The following NRG1 variants were observed in gnomAD, a reference collection of about 807,000 sequenced individuals.
The protein encoded by NRG1 is pro-neuregulin-1, membrane-bound isoform.
A neutral mutation model predicts 63.8 loss-of-function variants in NRG1; 18 were observed. That is an observed-to-expected ratio of 0.28 (90% CI 0.19 to 0.42). The LOEUF (loss-of-function observed/expected upper bound fraction) is 0.42. Among genes scored for constraint, NRG1 ranks in the 10% least tolerant of loss-of-function variants. The pLI is 1.00. For synonymous variants in NRG1, 302 were observed against 301.3 expected (o/e 1.00, Z -0.02); for missense variants, 762 against 814.7 (o/e 0.94, Z 0.79).
At chr8:32,300,713 C>T (rs777880637) in intron 1 of NRG1, among the ~76,000 whole-genome samples, 3 of 152,158 alleles carry the variant, frequency 2.0e-5, no homozygotes, top group South Asian at 2.1e-4. Context: ...GCTATACACA[C>T]GAGAGATGCA....
chr8:31,746,444 A>G (rs1042349673), intron 1 of NRG1, among the ~76,000 whole-genome samples: 6 of 152,008 alleles, frequency 3.9e-5, no homozygotes, highest in Non-Finnish European at 5.9e-5. Flanking sequence ...TGCTACAATC[A>G]AGACACTGTG....
At chr8:31,688,796 A>G (rs1323921841) in intron 1 of NRG1, among the ~76,000 whole-genome samples, 1 of 152,116 alleles carries the variant, frequency 6.6e-6, no homozygotes, top group Non-Finnish European at 1.5e-5. Flanking sequence ...TTATATGTTC[A>G]TTTTTCTGTT....
At chr8:32,609,852 T>G (rs2129540672) in intron 3 of NRG1, among the ~76,000 whole-genome samples, 1 of 151,682 alleles carries the variant, frequency 6.6e-6, no homozygotes, top group South Asian at 2.1e-4. Flanking sequence ...TTTGTATTTC[T>G]TGTAGACAAG....
chr8:32,416,076 G>A (rs1178940211), intron 1 of NRG1, among the ~76,000 whole-genome samples: 1 of 152,106 alleles, frequency 6.6e-6, no homozygotes, highest in Non-Finnish European at 1.5e-5. Context: ...AGCCTGCTTA[G>A]ATTTAAATGA....
chr8:32,026,318 C>T (rs1198043639), intron 1 of NRG1: 1 of 152,094 alleles, frequency 6.6e-6, no homozygotes, highest in Admixed American at 6.5e-5. Flanking sequence ...GGCTACTTTC[C>T]ATTCTTGAAT....
intron 1 of NRG1, among the ~76,000 whole-genome samples, chr8:31,821,729 C>T (rs971239011): frequency 6.6e-6 from 1 of 151,244 alleles, no homozygotes; most frequent in Non-Finnish European, 1.5e-5. Context: ...TTGAAAAAAA[C>T]ACAGCGGGAA....
chr8:32,127,798 C>T (rs1211497548), intron 1 of NRG1, among the ~76,000 whole-genome samples: 1 of 151,648 alleles, frequency 6.6e-6, no homozygotes, highest in Non-Finnish European at 1.5e-5. Flanking sequence ...TAAGAACATA[C>T]CCTCGCCATT....
chr8:31,788,237 G>A (rs879426168), intron 1 of NRG1, among the ~76,000 whole-genome samples: 1 of 152,060 alleles, frequency 6.6e-6, no homozygotes, highest in Non-Finnish European at 1.5e-5. Context: ...TGAGAGCTCT[G>A]TTAACATTTT....
At chr8:32,030,752 C>A (rs535978772) in intron 1 of NRG1, among the ~76,000 whole-genome samples, 1 of 152,140 alleles carries the variant, frequency 6.6e-6, no homozygotes, top group Non-Finnish European at 1.5e-5. Flanking sequence ...TCCCAGCATA[C>A]GTCTGCCATG....
intron 1 of NRG1, among the ~76,000 whole-genome samples, chr8:31,999,156 C>T (rs1047594272): frequency 8.6e-5 from 13 of 151,466 alleles, no homozygotes; most frequent in African/African-American, 3.2e-4. Context: ...TGGAAATTGA[C>T]TAATAAAGAA....
intron 1 of NRG1, among the ~76,000 whole-genome samples, chr8:32,565,078 A>G (rs1166204821): frequency 2.6e-5 from 4 of 151,944 alleles, no homozygotes; most frequent in Non-Finnish European, 5.9e-5. Flanking sequence ...TCAAAAAAAA[A>G]TTGTTCTCCA....
chr8:31,665,639 A>T (rs1806451712), intron 1 of NRG1, among the ~76,000 whole-genome samples: 1 of 152,224 alleles, frequency 6.6e-6, no homozygotes, highest in Non-Finnish European at 1.5e-5. Flanking sequence ...TGCATCTGAA[A>T]ATCAGTGATT....
At chr8:32,536,950 T>A (rs1176492841) in intron 1 of NRG1, among the ~76,000 whole-genome samples, 210 of 61,966 alleles carry the variant, frequency 3.4e-3, no homozygotes, top group East Asian at 6.9e-3. Flanking sequence ...AAAAAAAAAA[T>A]TCTGTTTGTC....
rs115138199 is a variant in NRG1, at chr8:32,288,619, C to G, written c.38-307209C>G. On this transcript the variant is annotated intron_variant, in intron 1 of 10. Coordinates refer to the NRG1 transcript ENST00000519301. The stretch of plus-strand genomic sequence containing the variant: ...AAAAAAGGAACTTTGTTACATCTTG[C>G]CACTCATGCTCACTCTTCAGTGGGC... Among the ~76,000 whole-genome samples the G allele has an allele frequency of 2.7e-3, 407 of 152,270 alleles. 2 individuals are homozygous for G. The highest frequency in any genetic ancestry group is 9.6e-3 in the African/African-American group (397 of 41,554).
chr8:31,719,181 T>C (rs972319045), intron 1 of NRG1, among the ~76,000 whole-genome samples: 10 of 152,174 alleles, frequency 6.6e-5, no homozygotes, highest in African/African-American at 2.2e-4. Context: ...TGGTCAAACA[T>C]CTATTTATGG....
intron 1 of NRG1, among the ~76,000 whole-genome samples, chr8:31,650,644 T>C (rs2130877584): frequency 6.6e-6 from 1 of 152,348 alleles, no homozygotes; most frequent in East Asian, 1.9e-4. Flanking sequence ...AGCTCCTCTT[T>C]CCTGTGTACC....
intron 1 of NRG1, among the ~76,000 whole-genome samples, chr8:32,299,142 G>C (rs990837803): frequency 6.6e-6 from 1 of 151,760 alleles, no homozygotes; most frequent in Non-Finnish European, 1.5e-5. Flanking sequence ...ATCATCATTT[G>C]GGAATTGTAT....
At chr8:31,698,034 G>T (rs907970872) in intron 1 of NRG1, among the ~76,000 whole-genome samples, 1 of 151,948 alleles carries the variant, frequency 6.6e-6, no homozygotes, top group African/African-American at 2.4e-5. Context: ...CTTTTAAATG[G>T]TTACTAGTCC....
intron 1 of NRG1, among the ~76,000 whole-genome samples, chr8:31,971,422 T>C (rs953245173): frequency 2.0e-5 from 3 of 152,178 alleles, no homozygotes; most frequent in African/African-American, 7.2e-5. Flanking sequence ...TTAATATTTT[T>C]ACATGGTGCA....
Sources: gnomAD v4.1 joint callset for allele counts (sites outside exome capture counted in the v4.1 genomes callset) on GRCh38, gnomAD v4.1.1 for gene constraint, MANE v1.5 for transcripts, NCBI Gene and HGNC (gene_info 2026-07-23, HGNC 2026-07-21) for gene names.